Variants in EPHB6 observed in about 807,000 individuals in gnomAD.
EPHB6 encodes the protein EPH receptor B6.
EPHB6 carries 51 observed loss-of-function variants against 107.0 expected under a neutral mutation model. The observed-to-expected ratio is 0.48, with a 90% CI of 0.38 to 0.60. EPHB6 has a LOEUF of 0.60. Among genes scored for constraint, EPHB6 ranks in the 20% least tolerant of loss-of-function variants. EPHB6 has a pLI of 0.00. For synonymous variants in EPHB6, 553 were observed against 549.0 expected (o/e 1.01, Z -0.10); for missense variants, 1,141 against 1,355.5 (o/e 0.84, Z 2.48).
At position 142,870,394 on chromosome 7, in the gene EPHB6, G is replaced by A; in HGVS notation, c.2791G>A (p.Asp931Asn). ...GCCAGATACCCTGCAGGCTGGCGGG[G>A]ACCCAGGGGAAAGGTCTGGAGCTTG... ...RKPDTLQAGG[D>N]PGERPSQALL... is the part of the protein sequence containing the mutation. The change falls in exon 18 of 20, where the codon GAC becomes AAC. Residue 931 changes from aspartate (D) to asparagine (N), a missense_variant. Physicochemically the swap from Asp to Asn is conservative, Grantham distance 23. Around this residue, in one of 3 missense-constraint regions of EPHB6, gnomAD observed 616 missense variants for 759.3 expected, o/e 0.81. Coordinates refer to ENST00000652003, the MANE Select transcript of EPHB6 (RefSeq NM_004445.6). 2 of 1,614,140 alleles carry A rather than the reference G, an allele frequency of 1.2e-6. No individual in the cohort carries two copies. The highest frequency in any genetic ancestry group is 2.2e-5 in the East Asian group (1 of 44,880).
rs2116443875 is a variant in EPHB6, at chr7:142,866,119, G to A, written c.1265G>A (p.Gly422Glu). The A allele has an allele frequency of 6.2e-7, 1 of 1,613,474 alleles. No individual in the cohort carries two copies. Among genetic ancestry groups the A allele is most frequent in the South Asian group, 1.1e-5 (1 of 90,960 alleles). The change falls in exon 9 of 20, where the codon GGG (glycine) becomes GAG (glutamate). Residue 422 changes from glycine to glutamate, a missense_variant. Physicochemically the swap from Gly to Glu is moderately conservative, Grantham distance 98. This residue lies in a region of EPHB6 where 304 missense variants were observed against 295.7 expected (regional missense o/e 1.03). Coordinates refer to ENST00000652003, the MANE Select transcript of EPHB6 (RefSeq NM_004445.6). This position sits in a 1 kb window ranked among gnomAD's most constrained non-coding sequence, Gnocchi z 5.2. Reference sequence around the variant, plus strand: ...CGCCAGGAACCTGCCAGCGGTGGTGGGGGCACTTGTCACCGCTGCAGGGAT... The same window carrying A: ...CGCCAGGAACCTGCCAGCGGTGGTGAGGGCACTTGTCACCGCTGCAGGGAT... ...EGRQEPASGG[G>E]GTCHRCRDEV...
chr7:142,862,980 C>T (rs1802915237), intron 4 of EPHB6, 147 bp downstream of exon 4: 7 of 555,898 alleles, frequency 1.3e-5, no homozygotes, highest in Admixed American at 3.0e-5. Flanking sequence ...CAGTATGCAA[C>T]CTGGCTTCTG....
In EPHB6 at chr7:142,869,796, GC is replaced by G; in HGVS notation, c.2461-20del. 1 of 1,614,002 alleles carries G rather than the reference GC, an allele frequency of 6.2e-7. No individual in the cohort carries two copies. The highest frequency in any genetic ancestry group is 8.5e-7 in the Non-Finnish European group (1 of 1,179,944). On this transcript the variant is annotated intron_variant, in intron 16 of 19. Transcript: ENST00000652003. This position sits in a 1 kb window ranked among gnomAD's most constrained non-coding sequence, Gnocchi z 4.5. ...ACTATTACTATGATTATTACTATTT[GC>G]TTTTGACTTTACCCCTCAGGGCCCA...
chr7:142,866,773 AG>A lies in EPHB6; in HGVS notation c.1588-131del, dbSNP rs1794622896. On this transcript the variant is annotated intron_variant, in intron 10 of 19. Coordinates refer to ENST00000652003, the MANE Select transcript of EPHB6 (RefSeq NM_004445.6). The surrounding 1 kb of genome is among the most constrained non-coding windows in gnomAD (Gnocchi z 5.2). Reference sequence around the variant, plus strand: ...GGCCAGAGGCTGAATGGGCAAGGAGAGGTGCCCAGAAGTGTGCAGCACTGGG... The same window carrying A: ...GGCCAGAGGCTGAATGGGCAAGGAGAGTGCCCAGAAGTGTGCAGCACTGGG... The A allele has an allele frequency of 6.4e-7, 1 of 1,570,778 alleles. No individual in the cohort carries two copies. Among genetic ancestry groups the A allele is most frequent in the African/African-American group, 1.4e-5 (1 of 74,014 alleles).
At chr7:142,857,923 A>G (rs745994296) in intron 1 of EPHB6, among the ~76,000 whole-genome samples, 1 of 152,190 alleles carries the variant, frequency 6.6e-6, no homozygotes, top group Non-Finnish European at 1.5e-5. Context: ...CTCAGCTCCT[A>G]CTGTATTTCC....
chr7:142,866,449 A>T lies in EPHB6; in HGVS notation c.1463-32A>T. 6.2e-7 allele frequency: 1 copy of T among 1,613,686 alleles called. No individual in the cohort carries two copies. Among genetic ancestry groups the T allele is most frequent in the Non-Finnish European group, 8.5e-7 (1 of 1,179,970 alleles). On this transcript the variant is annotated intron_variant, in intron 9 of 19. Transcript: ENST00000652003. This position sits in a 1 kb window ranked among gnomAD's most constrained non-coding sequence, Gnocchi z 5.2. ...GCTGATCCTGCTCCCAGGGACTCCT[A>T]TCCCCATAATAATTTTCCTTTTGCA...
In EPHB6 at chr7:142,866,386, T is replaced by G. The variant is rs1794597789; in HGVS notation, c.1462+70T>G. 2 of 1,611,560 alleles carry G rather than the reference T, an allele frequency of 1.2e-6. No individual in the cohort carries two copies. The highest frequency in any genetic ancestry group is 3.3e-5 in the Admixed American group (2 of 59,986). On this transcript the variant is annotated intron_variant, in intron 9 of 19. Coordinates refer to ENST00000652003, the MANE Select transcript of EPHB6 (RefSeq NM_004445.6). The surrounding 1 kb of genome is among the most constrained non-coding windows in gnomAD (Gnocchi z 5.2). ...TTTGAGCCCCCTTCCCTACTCCTGA[T>G]CTCCAGCCTGGTCCACCCCTGCCGC...
At position 142,866,122 on chromosome 7, in the gene EPHB6, G is replaced by A. The variant is rs1803162280; in HGVS notation, c.1268G>A (p.Gly423Asp). The A allele has an allele frequency of 6.2e-7, 1 of 1,613,486 alleles. No individual in the cohort carries two copies. The highest frequency in any genetic ancestry group is 1.1e-5 in the South Asian group (1 of 90,958). ...GRQEPASGGGGTCHRCRDEVH... is the reference protein window; with the variant it reads ...GRQEPASGGGDTCHRCRDEVH... The stretch of plus-strand genomic sequence containing the variant: ...CAGGAACCTGCCAGCGGTGGTGGGG[G>A]CACTTGTCACCGCTGCAGGGATGAG... The change falls in exon 9 of 20, where the codon GGC becomes GAC. Residue 423 changes from glycine (G) to aspartate (D), a missense_variant. Gly to Asp is a moderately conservative substitution (Grantham distance 94, BLOSUM62 -1). Coordinates refer to ENST00000652003, the MANE Select transcript of EPHB6 (RefSeq NM_004445.6). This position sits in a 1 kb window ranked among gnomAD's most constrained non-coding sequence, Gnocchi z 5.2.
chr7:142,865,389 C>T (rs943040535), intron 7 of EPHB6, 86 bp from the exon 8 acceptor site: 35 of 1,561,324 alleles, frequency 2.2e-5, no homozygotes, highest in Non-Finnish European at 2.8e-5. Context: ...GAGAAGGCTG[C>T]GAGGATACCT....
At position 142,863,213 on chromosome 7, in the gene EPHB6, C is replaced by A. The variant is rs751401468; in HGVS notation, c.-15C>A. ...GTGGTGGCTGGGGCGATGGTGGACG[C>A]CCTGAAGATGTCCCATGGCTACTGA... On this transcript the variant is annotated 5_prime_UTR_variant, in exon 5 of 20. Coordinates refer to ENST00000652003, the MANE Select transcript of EPHB6 (RefSeq NM_004445.6). 1.5e-5 allele frequency: 25 copies of A among 1,613,200 alleles called. No homozygotes were observed. The highest frequency in any genetic ancestry group is 3.3e-5 in the Admixed American group (2 of 59,974).
chr7:142,870,464 A>G, intron 18 of EPHB6, 57 bp downstream of exon 18: 3 of 1,613,906 alleles, frequency 1.9e-6, no homozygotes, highest in Non-Finnish European at 1.7e-6. Context: ...GCAAACCTAA[A>G]GAAAACTGAG....
rs771807343 is a variant in EPHB6 at position 142,863,689 on chromosome 7, A to AG, written c.165+1dup. On this transcript the variant is annotated frameshift_variant, in exon 6 of 20. Transcript: ENST00000652003. LOFTEE classifies it high-confidence loss of function. ...AGATTGGCTGGCTCACCTACCCACC[A>AG]GGGGGGGTGAGTGCCACTCTAATTC... 1.2e-6 allele frequency: 2 copies of AG among 1,613,238 alleles called. No homozygotes were observed. Among genetic ancestry groups the AG allele is most frequent in the Non-Finnish European group, 1.7e-6 (2 of 1,179,518 alleles).
At position 142,865,970 on chromosome 7, in the gene EPHB6, G is replaced by A. The variant is rs756142593; in HGVS notation, c.1116G>A (p.Ser372=). 17 of 1,613,630 alleles carry A rather than the reference G, an allele frequency of 1.1e-5. No individual in the cohort carries two copies. Among genetic ancestry groups the A allele is most frequent in the South Asian group, 2.2e-5 (2 of 91,060 alleles). Residue 372 remains serine (S), a synonymous_variant, in exon 9 of 20, where the codon TCG becomes TCA. Coordinates refer to ENST00000652003, the MANE Select transcript of EPHB6 (RefSeq NM_004445.6). ...CCTCCGGCCCCCCAGGTCCTCCATC[G>A]GCTCCCCAGGAGCTTTGGTTTGAGG... ...PPEAPCTGPP[S]APQELWFEVQ...
chr7:142,857,569 G>A (rs907274977), intron 1 of EPHB6, among the ~76,000 whole-genome samples: 1 of 152,234 alleles, frequency 6.6e-6, no homozygotes, highest in African/African-American at 2.4e-5. Context: ...GCTCACAGGT[G>A]TAAGGACCAG....
chr7:142,860,531 T>C (rs898331587), intron 1 of EPHB6, among the ~76,000 whole-genome samples: 70 of 152,246 alleles, frequency 4.6e-4, no homozygotes, highest in Non-Finnish European at 3.1e-4. Context: ...GCCTGCTTTT[T>C]ACTTCATGAT....
At chr7:142,870,486 AGAT>A (rs1794857717) in intron 18 of EPHB6, 41 bp from the exon 19 acceptor site, 1 of 1,614,062 alleles carries the variant, frequency 6.2e-7, no homozygotes, top group South Asian at 1.1e-5. Context: ...AGAGGGGCTA[AGAT>A]GAAGAGGAGA....
At position 142,867,945 on chromosome 7, in the gene EPHB6, G is replaced by A. The variant is rs189737080; in HGVS notation, c.1866-52G>A. On this transcript the variant is annotated intron_variant, in intron 12 of 19. Coordinates refer to ENST00000652003, the MANE Select transcript of EPHB6 (RefSeq NM_004445.6). This position sits in a 1 kb window ranked among gnomAD's most constrained non-coding sequence, Gnocchi z 5.3. ...CAGTCTGGAGGGTGACAAGGGGGCA[G>A]CAAGGGGGTGGAAATGGGAGCGTCA... The A allele has an allele frequency of 1.0e-5, 16 of 1,550,472 alleles. No homozygotes were observed. In the African/African-American group the frequency reaches 1.9e-4, roughly 19 times the overall value.
Position 142,865,539 on chromosome 7 carries a change from C to A in EPHB6, c.1014C>A (p.Arg338=). 1 of 1,613,578 alleles carries A rather than the reference C, an allele frequency of 6.2e-7. No homozygotes were observed. Among genetic ancestry groups the A allele is most frequent in the South Asian group, 1.1e-5 (1 of 91,074 alleles). Residue 338 remains arginine (R), a synonymous_variant, in exon 8 of 20, where the codon CGC becomes CGA. Transcript: ENST00000652003. ...GNAPCSPCPA[R]SHAPNPAAPV... ...CTCCCTGCTCACCATGCCCTGCCCG[C>A]AGTCACGCTCCCAACCCAGCAGCCC...
Position 142,864,513 on chromosome 7 carries a change from G to C in EPHB6, c.713G>C (p.Arg238Pro), listed in dbSNP as rs762177890. 6.2e-7 allele frequency: 1 copy of C among 1,613,488 alleles called. No homozygotes were observed. The highest frequency in any genetic ancestry group is 8.5e-7 in the Non-Finnish European group (1 of 1,180,030). Reference sequence around the variant, plus strand: ...TCCTACACCTGCCCTGCCGTGCTCCGATCCTTTGCTTCCTTTCCAGAGACG... The same window carrying C: ...TCCTACACCTGCCCTGCCGTGCTCCCATCCTTTGCTTCCTTTCCAGAGACG... ...LFSYTCPAVL[R>P]SFASFPETQA... is the part of the protein sequence containing the mutation. The change falls in exon 7 of 20, where the codon CGA (arginine) becomes CCA (proline). Residue 238 changes from arginine (R) to proline (P), a missense_variant. Coordinates refer to ENST00000652003, the MANE Select transcript of EPHB6 (RefSeq NM_004445.6).
Sources: allele counts gnomAD v4.1 joint callset (sites outside exome capture counted in the v4.1 genomes callset), GRCh38; gene constraint gnomAD v4.1.1; regional missense constraint gnomAD v4.1.1; non-coding constraint Gnocchi (gnomAD v3.1); transcripts MANE v1.5; gene names NCBI Gene and HGNC (gene_info 2026-07-23, HGNC 2026-07-21).